CAND2: variants seen among roughly 807,000 people sequenced by gnomAD.
CAND2 encodes the protein cullin-associated NEDD8-dissociated protein 2.
A neutral mutation model predicts 98.9 loss-of-function variants in CAND2; 62 were observed. The ratio of observed to expected loss-of-function variants is 0.63; its 90% CI spans 0.51 to 0.77. The LOEUF (loss-of-function observed/expected upper bound fraction) is 0.77. Ranked by LOEUF, CAND2 falls within the 30% of genes least tolerant of loss-of-function variation. The pLI is 0.00. For synonymous variants in CAND2, 770 were observed against 731.9 expected, an observed-to-expected ratio of 1.05 and a Z score of -0.84; for missense variants, 1,501 against 1,655.2, an observed-to-expected ratio of 0.91 and a Z score of 1.62.
At chr3:12,821,067 C>G (rs182674684) in intron 11 of CAND2, among the ~76,000 whole-genome samples, 9 of 152,242 alleles carry the variant, frequency 5.9e-5, no homozygotes, top group Admixed American at 4.6e-4. Flanking sequence ...AACCCTGTCT[C>G]TACTAAAAAT....
chr3:12,813,828 G>A (rs762267462), intron 7 of CAND2, among the ~76,000 whole-genome samples: 5 of 152,194 alleles, frequency 3.3e-5, no homozygotes, highest in Non-Finnish European at 5.9e-5. Flanking sequence ...ATGGTGGAAT[G>A]GCAGGCACTG....
chr3:12,833,994 C>T lies in CAND2; in HGVS notation c.*12C>T, dbSNP rs1051938295. Reference sequence around the variant, plus strand: ...TGGAGCTCAGCTAGTCCCCTCAGCACCAAGGTGGGCCCTCGCTTAAGAGAA... The same window carrying T: ...TGGAGCTCAGCTAGTCCCCTCAGCATCAAGGTGGGCCCTCGCTTAAGAGAA... On this transcript the variant is annotated 3_prime_UTR_variant, in exon 15 of 15. Transcript: ENST00000456430. 2 of 1,607,986 alleles carry T rather than the reference C, an allele frequency of 1.2e-6. No individual in the cohort carries two copies. The highest frequency in any genetic ancestry group is 8.5e-7 in the Non-Finnish European group (1 of 1,174,590).
chr3:12,809,779 C>T (rs1198989375), intron 4 of CAND2: 2 of 373,968 alleles, frequency 5.3e-6, no homozygotes, highest in Non-Finnish European at 9.6e-6. Flanking sequence ...TAGGGACAGC[C>T]TTACTAGATC....
rs539664312 is a variant in CAND2 at position 12,806,266 on chromosome 3, C to A, written c.213-1040C>A. On this transcript the variant is annotated intron_variant, in intron 2 of 14. Transcript: ENST00000456430. ...GAGGCTGCAGTGGGCTATGATCACG[C>A]CACTGTATTCCAGCCTGGGCAACAG... 5.3e-5 allele frequency among the ~76,000 whole-genome samples: 8 copies of A among 152,264 alleles called. No homozygotes were observed. The South Asian group carries it at 1.0e-3, about 20-fold the overall frequency.
At chr3:12,809,722 T>C (rs2061834678) in intron 4 of CAND2, among the ~76,000 whole-genome samples, 1 of 151,902 alleles carries the variant, frequency 6.6e-6, no homozygotes, top group Admixed American at 6.6e-5. Flanking sequence ...GCGAGGAGGA[T>C]GGACAGAAGG....
At chr3:12,798,045 A>G (rs1437994860) in intron 1 of CAND2, among the ~76,000 whole-genome samples, 1 of 152,026 alleles carries the variant, frequency 6.6e-6, no homozygotes, top group Non-Finnish European at 1.5e-5. Flanking sequence ...CTTAACCCCC[A>G]TGAGTCTCCC....
rs1446830433 is a variant in CAND2, at chr3:12,810,267, A to C, written c.700A>C (p.Ile234Leu). The C allele has an allele frequency of 2.0e-6, 3 of 1,509,478 alleles. No homozygotes were observed. In the African/African-American group the frequency reaches 4.3e-5, roughly 22 times the overall value. The allele number at this position is 1,509,478 out of a possible 1,614,324, so 93.5% of individuals were successfully genotyped here. A position where few individuals can be genotyped will look rare whatever the true frequency, so the allele number is the denominator to read the frequency against. ...GPRVPTSPTA[I>L]RTLIQCLGSV... ...GCGGGTGCCCACCAGCCCGACTGCC[A>C]TCCGCACCCTGATCCAATGTTTGGG... Residue 234 changes from isoleucine to leucine, a missense_variant, in exon 5 of 15, where the codon ATC (isoleucine) becomes CTC (leucine). Coordinates refer to ENST00000456430, the MANE Select transcript of CAND2 (RefSeq NM_001162499.2).
intron 1 of CAND2, among the ~76,000 whole-genome samples, chr3:12,802,274 C>G (rs536297396): frequency 4.3e-4 from 66 of 152,304 alleles, no homozygotes; most frequent in African/African-American, 1.5e-3. Flanking sequence ...TTGCAGTGAG[C>G]TGAGATCGTG....
Position 12,815,409 on chromosome 3 carries a change from C to T in CAND2, c.1275C>T (p.Ser425=). The change falls in exon 8 of 15, where the codon AGC becomes AGT. Residue 425 remains serine, a synonymous_variant. Coordinates refer to ENST00000456430, the MANE Select transcript of CAND2 (RefSeq NM_001162499.2). The surrounding 1 kb of genome is among the most constrained non-coding windows in gnomAD (Gnocchi z 5.7). ...EAMEEPTQTG[S]NLHMLRGQVP... Reference sequence around the variant, plus strand: ...TGGAGGAACCCACCCAGACCGGCAGCAACCTCCATATGCTACGTGGACAGG... The same window carrying T: ...TGGAGGAACCCACCCAGACCGGCAGTAACCTCCATATGCTACGTGGACAGG... 1 of 1,613,060 alleles carries T rather than the reference C, an allele frequency of 6.2e-7. No individual in the cohort carries two copies.
rs1192329996 is a variant in CAND2 at position 12,834,000 on chromosome 3, T to C, written c.*18T>C. ...TCAGCTAGTCCCCTCAGCACCAAGG[T>C]GGGCCCTCGCTTAAGAGAAAGGAGC... is the stretch of plus-strand genomic sequence containing the variant. On this transcript the variant is annotated 3_prime_UTR_variant, in exon 15 of 15. Transcript: ENST00000456430. 2 of 1,605,710 alleles carry C rather than the reference T, an allele frequency of 1.2e-6. No individual in the cohort carries two copies. The highest frequency in any genetic ancestry group is 2.2e-5 in the East Asian group (1 of 44,840).
chr3:12,826,563 G>C (rs372593523), intron 12 of CAND2, among the ~76,000 whole-genome samples: 5 of 152,030 alleles, frequency 3.3e-5, no homozygotes, highest in Non-Finnish European at 7.4e-5. Flanking sequence ...GAGTAGCTGG[G>C]ACTACAGGCG....
intron 11 of CAND2, among the ~76,000 whole-genome samples, 200 bp from the exon 12 acceptor site, chr3:12,825,270 C>T (rs1394503798): frequency 6.6e-6 from 1 of 152,142 alleles, no homozygotes; most frequent in Non-Finnish European, 1.5e-5. Context: ...GAATGGAAGC[C>T]ACATCAGCTC....
Position 12,817,156 on chromosome 3 carries a change from C to G in CAND2, c.2224C>G (p.Arg742Gly), listed in dbSNP as rs539921240. 1.9e-6 allele frequency: 3 copies of G among 1,612,714 alleles called. No individual in the cohort carries two copies. In the Middle Eastern group the frequency reaches 5.0e-4, roughly 266 times the overall value. ...TGGCCCTGTGCTCTCAGAGCTGCTG[C>G]GGCTGCTGCGTTCGCCCCTGTTGCC... Reference protein sequence around the residue: ...VSGPVLSELLRLLRSPLLPAG... With the variant: ...VSGPVLSELLGLLRSPLLPAG... The change falls in exon 10 of 15, where the codon CGG becomes GGG. Residue 742 changes from arginine (R) to glycine (G), a missense_variant. Physicochemically the swap from Arg to Gly is moderately radical, Grantham distance 125 (BLOSUM62 -2). Coordinates refer to ENST00000456430, the MANE Select transcript of CAND2 (RefSeq NM_001162499.2).
rs764403046 is a variant in CAND2, at chr3:12,829,517, G to A, written c.3375+1913G>A. On this transcript the variant is annotated intron_variant, in intron 13 of 14. Transcript: ENST00000456430. Reference sequence around the variant, plus strand: ...TTTTATAAGGAAAAATTAATACAAAGTAATCAAAAGTAACCCATACTTGTT... The same window carrying A: ...TTTTATAAGGAAAAATTAATACAAAATAATCAAAAGTAACCCATACTTGTT... 8.7e-4 allele frequency among the ~76,000 whole-genome samples: 133 copies of A among 152,294 alleles called. 1 individual carries two copies. Among genetic ancestry groups the A allele is most frequent in the Admixed American group, 7.8e-4 (12 of 15,296 alleles).
rs890250051 is a variant in CAND2, at chr3:12,815,334, C to T, written c.1200C>T (p.Tyr400=). 8 of 1,614,004 alleles carry T rather than the reference C, an allele frequency of 5.0e-6. No homozygotes were observed. Among genetic ancestry groups the T allele is most frequent in the Non-Finnish European group, 6.8e-6 (8 of 1,180,040 alleles). The change falls in exon 8 of 15, where the codon TAC becomes TAT. Residue 400 remains tyrosine, a synonymous_variant. Transcript: ENST00000456430. The surrounding 1 kb of genome is among the most constrained non-coding windows in gnomAD (Gnocchi z 5.7). The part of the protein sequence containing the change: ...ENVKADVFTA[Y]IVLLRQTQPP... Reference sequence around the variant, plus strand: ...TCAAGGCTGACGTCTTCACTGCTTACATCGTGCTGCTGCGGCAAACACAGC... The same window carrying T: ...TCAAGGCTGACGTCTTCACTGCTTATATCGTGCTGCTGCGGCAAACACAGC...
rs964051183 is a variant in CAND2 at position 12,815,145 on chromosome 3, T to A, written c.1011T>A (p.Ser337Arg). The change falls in exon 8 of 15, where the codon AGT becomes AGA. Residue 337 changes from serine (S) to arginine (R), a missense_variant. Coordinates refer to ENST00000456430, the MANE Select transcript of CAND2 (RefSeq NM_001162499.2). The surrounding 1 kb of genome is among the most constrained non-coding windows in gnomAD (Gnocchi z 5.7). ...TGTGTCTTGTTCCTGCCCCAGAGAGTGAAGACGAGTACAGCGATGACGATG... is the reference window on the plus strand; with the variant it reads ...TGTGTCTTGTTCCTGCCCCAGAGAGAGAAGACGAGTACAGCGATGACGATG... ...TEDSEFSEQE[S>R]EDEYSDDDDM... 1 of 1,603,682 alleles carries A rather than the reference T, an allele frequency of 6.2e-7. No homozygotes were observed. The highest frequency in any genetic ancestry group is 8.5e-7 in the Non-Finnish European group (1 of 1,172,648).
intron 5 of CAND2, 26 bp downstream of exon 5, chr3:12,810,350 G>T (rs902274708): frequency 2.3e-5 from 33 of 1,411,572 alleles, no homozygotes; most frequent in Non-Finnish European, 2.9e-5. Flanking sequence ...GCGGGGCCTG[G>T]GCTGGCATGG....
Position 12,820,174 on chromosome 3 carries a change from C to G in CAND2, c.3033C>G (p.Ser1011Arg). 1 of 1,613,174 alleles carries G rather than the reference C, an allele frequency of 6.2e-7. No individual in the cohort carries two copies. Among genetic ancestry groups the G allele is most frequent in the Non-Finnish European group, 8.5e-7 (1 of 1,179,152 alleles). ...QPHPIDPLLK[S>R]FIGEFMESLQ... ...ATCCCATTGACCCCCTCCTGAAGAG[C>G]TTCATCGGTGAGCACCTACCTCTTG... Residue 1011 changes from serine to arginine, a missense_variant, in exon 11 of 15, where the codon AGC becomes AGG. Physicochemically the swap from Ser to Arg is moderately radical, Grantham distance 110 (BLOSUM62 -1). Coordinates refer to ENST00000456430, the MANE Select transcript of CAND2 (RefSeq NM_001162499.2).
At chr3:12,804,444 C>G (rs2061790566) in intron 2 of CAND2, among the ~76,000 whole-genome samples, 1 of 152,076 alleles carries the variant, frequency 6.6e-6, no homozygotes, top group South Asian at 2.1e-4. Context: ...GCCTGGGCAA[C>G]AAGAGCAAAA....
Sources: allele counts gnomAD v4.1 joint callset (sites outside exome capture counted in the v4.1 genomes callset), GRCh38; gene constraint gnomAD v4.1.1; non-coding constraint Gnocchi (gnomAD v3.1); transcripts MANE v1.5; gene names NCBI Gene and HGNC (gene_info 2026-07-23, HGNC 2026-07-21).